MYO15A: variants seen among roughly 807,000 people sequenced by gnomAD.
MYO15A encodes unconventional myosin-XV.
In MYO15A, 308 loss-of-function variants were observed where a neutral mutation model predicts 394.6. The observed-to-expected ratio is 0.78, with a 90% CI of 0.71 to 0.86. MYO15A has a LOEUF of 0.86. Ranked by LOEUF, MYO15A falls within the 40% of genes least tolerant of loss-of-function variation. The pLI is 0.00. For synonymous variants in MYO15A, 1,957 were observed against 2,003.8 expected (o/e 0.98, Z 0.62); for missense variants, 4,606 against 4,799.1 (o/e 0.96, Z 1.19).
In MYO15A at chr17:18,112,405, G is replaced by A. The variant is rs77300090; in HGVS notation, c.-220+3581G>A. On this transcript the variant is annotated intron_variant, in intron 1 of 65. Coordinates refer to ENST00000647165, the MANE Select transcript of MYO15A (RefSeq NM_016239.4). ...ATTTTCACATATACACTTTTTTGGG[G>A]GGTCGTGGGGGACAGGGTCTCGCAC... Among the ~76,000 whole-genome samples, 369 of 151,962 alleles carry A rather than the reference G, an allele frequency of 2.4e-3. 3 individuals carry two copies. The highest frequency in any genetic ancestry group is 8.4e-3 in the African/African-American group (348 of 41,450).
chr17:18,133,558 G>A (rs2046208652), intron 12 of MYO15A, among the ~76,000 whole-genome samples, 172 bp downstream of exon 12: 1 of 152,128 alleles, frequency 6.6e-6, no homozygotes, highest in South Asian at 2.1e-4. Flanking sequence ...ATATATTAAG[G>A]AAATCAGCCC....
chr17:18,155,959 GA>G, intron 47 of MYO15A: 1 of 578,882 alleles, frequency 1.7e-6, no homozygotes, highest in Non-Finnish European at 3.1e-6. Flanking sequence ...TGGACCAAGG[GA>G]CAAAGGGTGG....
Position 18,120,349 on chromosome 17 carries a change from G to A in MYO15A, c.1549G>A (p.Glu517Lys). 6.2e-7 allele frequency: 1 copy of A among 1,612,260 alleles called. No individual in the cohort carries two copies. Among genetic ancestry groups the A allele is most frequent in the Non-Finnish European group, 8.5e-7 (1 of 1,179,964 alleles). The change falls in exon 2 of 66, where the codon GAG (glutamate) becomes AAG (lysine). Residue 517 changes from glutamate (E) to lysine (K), a missense_variant. Glu to Lys is a moderately conservative substitution (Grantham distance 56, BLOSUM62 1). Coordinates refer to ENST00000647165, the MANE Select transcript of MYO15A (RefSeq NM_016239.4). Reference protein sequence around the residue: ...LGDADEEEDEEELPPVSAVPY... With the variant: ...LGDADEEEDEKELPPVSAVPY... ...GGATGCGGACGAAGAAGAGGACGAG[G>A]AGGAGCTGCCCCCGGTTTCCGCTGT...
intron 7 of MYO15A, 152 bp downstream of exon 7, chr17:18,127,317 C>G: frequency 1.1e-6 from 1 of 900,572 alleles, no homozygotes; most frequent in Non-Finnish European, 1.7e-6. Context: ...GCTTTTTCTG[C>G]CACCCTTCCC....
Position 18,178,857 on chromosome 17 carries a change from T to C in MYO15A, c.10580T>C (p.Ile3527Thr). The C allele has an allele frequency of 1.2e-6, 2 of 1,613,030 alleles. No homozygotes were observed. The highest frequency in any genetic ancestry group is 1.7e-6 in the Non-Finnish European group (2 of 1,179,964). Residue 3527 changes from isoleucine to threonine, a missense_variant, in exon 66 of 66, where the codon ATC becomes ACC. Ile to Thr is a moderately conservative substitution (Grantham distance 89). Coordinates refer to ENST00000647165, the MANE Select transcript of MYO15A (RefSeq NM_016239.4). ...CGGCTCACATTGCCCCCCAGCGAGA[T>C]CACCCTGCTCTGACCCAGCCCCCAG... is the stretch of plus-strand genomic sequence containing the variant. ...EKRLTLPPSE[I>T]TLL
chr17:18,124,807 C>G (rs1182313254), intron 3 of MYO15A: 1 of 590,682 alleles, frequency 1.7e-6, no homozygotes, highest in African/African-American at 1.9e-5. Context: ...TTCTCTGCAC[C>G]TCAGTTTCTC....
At chr17:18,168,632 C>T (rs191322063) in intron 62 of MYO15A, among the ~76,000 whole-genome samples, 7 of 152,010 alleles carry the variant, frequency 4.6e-5, no homozygotes, top group African/African-American at 1.7e-4. Context: ...TCTTGAACAC[C>T]TGGGCTCAAG....
At chr17:18,146,650 C>T (rs910146220) in intron 30 of MYO15A, among the ~76,000 whole-genome samples, 10 of 152,194 alleles carry the variant, frequency 6.6e-5, no homozygotes, top group South Asian at 2.1e-4. Context: ...CAAGACCAGA[C>T]GCAGTGGCTC....
At chr17:18,158,315 G>C (rs1039449516) in intron 51 of MYO15A, 1 of 600,716 alleles carries the variant, frequency 1.7e-6, no homozygotes, top group Admixed American at 3.0e-5. Context: ...GCCAAGTGGG[G>C]CAGGGAGCCA....
rs1464284408 is a variant in MYO15A, at chr17:18,118,792, G to T, written c.-9G>T. 6.2e-7 allele frequency: 1 copy of T among 1,608,220 alleles called. No individual in the cohort carries two copies. The highest frequency in any genetic ancestry group is 1.3e-5 in the African/African-American group (1 of 74,812). ...CGGCCCCAGGCCCTGTAGAGAGCAG[G>T]CAGCCACCATGGCGAAGGAGGAAGA... On this transcript the variant is annotated 5_prime_UTR_variant, in exon 2 of 66. Transcript: ENST00000647165.
rs756119154 is a variant in MYO15A, at chr17:18,151,522, C to A, written c.7782C>A (p.Ala2594=). 5.6e-6 allele frequency: 9 copies of A among 1,613,910 alleles called. No homozygotes were observed. The highest frequency in any genetic ancestry group is 7.6e-6 in the Non-Finnish European group (9 of 1,180,004). Residue 2594 remains alanine, a synonymous_variant, in exon 40 of 66, where the codon GCC becomes GCA. Coordinates refer to ENST00000647165, the MANE Select transcript of MYO15A (RefSeq NM_016239.4). ...CGTTCCGGGGAGGCCGGCCTGAGGC[C>A]CTCAGGTCAGCACTGCCCCTGCCCC... The part of the protein sequence containing the change: ...QQPFRGGRPE[A]LRKDGGKVFM...
Position 18,143,622 on chromosome 17 carries a change from G to C in MYO15A, c.5964+3G>C, listed in dbSNP as rs530975087. ...GGGCGCTGCTGTGGGAGCAGGAGGT[G>C]GGTGTGGGTCTGGGTGGCAGCAGGG... On this transcript the variant is annotated splice_donor_region_variant and intron_variant, in intron 26 of 65. Transcript: ENST00000647165. 110 of 1,567,832 alleles carry C rather than the reference G, an allele frequency of 7.0e-5. No homozygotes were observed. The Middle Eastern group carries it at 8.6e-4, about 12-fold the overall frequency.
intron 28 of MYO15A, 150 bp downstream of exon 28, chr17:18,144,150 GA>G (rs1307090681): frequency 4.4e-6 from 6 of 1,350,786 alleles, no homozygotes; most frequent in Non-Finnish European, 6.1e-6. Flanking sequence ...GAATCTGGGA[GA>G]TCCCTGAGGT....
chr17:18,126,906 T>C (rs752417429), intron 6 of MYO15A, 41 bp downstream of exon 6: 1 of 1,611,082 alleles, frequency 6.2e-7, no homozygotes, highest in Non-Finnish European at 8.5e-7. Context: ...ATGGGGGACC[T>C]TAGGTAGCAG....
Position 18,147,957 on chromosome 17 carries a change from C to G in MYO15A, c.6510-72C>G. Reference sequence around the variant, plus strand: ...AGACTAGCCTCAGAATTTCCTACCCCCACCCCGCAGCCCTCAGCCCCAAGC... The same window carrying G: ...AGACTAGCCTCAGAATTTCCTACCCGCACCCCGCAGCCCTCAGCCCCAAGC... On this transcript the variant is annotated intron_variant, in intron 30 of 65. Coordinates refer to ENST00000647165, the MANE Select transcript of MYO15A (RefSeq NM_016239.4). This position sits in a 1 kb window ranked among gnomAD's most constrained non-coding sequence, Gnocchi z 4.4. 1.9e-6 allele frequency: 3 copies of G among 1,586,518 alleles called. No homozygotes were observed. In the Admixed American group the frequency reaches 5.0e-5, roughly 26 times the overall value.
rs541139484 is a variant in MYO15A at position 18,155,098 on chromosome 17, G to A, written c.8225-12G>A. On this transcript the variant is annotated splice_polypyrimidine_tract_variant and intron_variant, in intron 45 of 65. Transcript: ENST00000647165. ...TGGGGAGAGGGTCCTGACCAGACCTGGCCTCCCATAGCCCAGAACCAGCTG... is the reference window on the plus strand; with the variant it reads ...TGGGGAGAGGGTCCTGACCAGACCTAGCCTCCCATAGCCCAGAACCAGCTG... 1.1e-5 allele frequency: 17 copies of A among 1,610,536 alleles called. No homozygotes were observed. Among genetic ancestry groups the A allele is most frequent in the African/African-American group, 9.3e-5 (7 of 74,918 alleles).
intron 64 of MYO15A, 69 bp from the exon 65 acceptor site, chr17:18,173,712 G>A: frequency 6.2e-7 from 1 of 1,604,542 alleles, no homozygotes; most frequent in Non-Finnish European, 8.5e-7. Context: ...GATTTGCAGG[G>A]CAGGGGTAAG....
chr17:18,149,629 T>C, intron 35 of MYO15A, 49 bp downstream of exon 35: 1 of 1,568,234 alleles, frequency 6.4e-7, no homozygotes, highest in Non-Finnish European at 8.8e-7. Flanking sequence ...GCACAGCATG[T>C]ACACCCAAGT....
At chr17:18,129,727 A>T (rs1426004154) in intron 7 of MYO15A, among the ~76,000 whole-genome samples, 1 of 152,156 alleles carries the variant, frequency 6.6e-6, no homozygotes, top group Non-Finnish European at 1.5e-5. Flanking sequence ...AACAGGGGTG[A>T]TATTAGTACC....
Sources: gnomAD v4.1 joint callset for allele counts (sites outside exome capture counted in the v4.1 genomes callset) on GRCh38, gnomAD v4.1.1 for gene constraint, Gnocchi (gnomAD v3.1) non-coding constraint, MANE v1.5 for transcripts, NCBI Gene and HGNC (gene_info 2026-07-23, HGNC 2026-07-21) for gene names.